Variants in MAP3K8 observed in about 807,000 individuals in gnomAD.
MAP3K8 encodes the protein mitogen-activated protein kinase kinase kinase 8, also known as Ewing sarcoma transformant.
MAP3K8 carries 22 observed loss-of-function variants against 45.8 expected under a neutral mutation model. That is an observed-to-expected ratio of 0.48 (90% CI 0.34 to 0.69). The LOEUF (loss-of-function observed/expected upper bound fraction) is 0.69. Ranked by LOEUF, MAP3K8 falls within the 30% of genes least tolerant of loss-of-function variation. The pLI is 0.01. For synonymous variants in MAP3K8, 223 were observed against 214.3 expected (o/e 1.04, Z -0.36); for missense variants, 419 against 585.0 (o/e 0.72, Z 2.93).
At chr10:30,457,965 A>T (rs1369218154) in intron 6 of MAP3K8, 119 bp from the exon 7 acceptor site, 1 of 788,142 alleles carries the variant, frequency 1.3e-6, no homozygotes, top group Non-Finnish European at 1.9e-6. Context: ...TTCCTGGGGA[A>T]TGCCTGCATT....
rs1396509308 is a variant in MAP3K8 at position 30,450,387 on chromosome 10, G to A, written c.634G>A (p.Gly212Arg). Residue 212 changes from glycine to arginine, a missense_variant, in exon 5 of 9, where the codon GGA (glycine) becomes AGA (arginine). Around this residue, in one of 3 missense-constraint regions of MAP3K8, gnomAD observed 209 missense variants for 367.3 expected, o/e 0.57. Coordinates refer to ENST00000263056, the MANE Select transcript of MAP3K8 (RefSeq NM_005204.4). ...CCATCTCTTTATGGAAGCAGGCGAGGGAGGGTCTGTTCTGGAGAAACTGGA... is the reference window on the plus strand; with the variant it reads ...CCATCTCTTTATGGAAGCAGGCGAGAGAGGGTCTGTTCTGGAGAAACTGGA... Reference protein sequence around the residue: ...TVHLFMEAGEGGSVLEKLESC... With the variant: ...TVHLFMEAGERGSVLEKLESC... 2 of 1,614,024 alleles carry A rather than the reference G, an allele frequency of 1.2e-6. No homozygotes were observed. The highest frequency in any genetic ancestry group is 1.3e-5 in the African/African-American group (1 of 74,912).
At chr10:30,436,436 CA>C (rs774459115) in intron 1 of MAP3K8, among the ~76,000 whole-genome samples, 28 of 152,236 alleles carry the variant, frequency 1.8e-4, no homozygotes, top group Non-Finnish European at 3.8e-4. Flanking sequence ...GTCTCAGCGT[CA>C]GACACTCCTC....
intron 3 of MAP3K8, 45 bp from the exon 4 acceptor site, chr10:30,447,737 G>T: frequency 6.4e-7 from 1 of 1,551,670 alleles, no homozygotes; most frequent in Non-Finnish European, 8.9e-7. Context: ...GAAAAAGCCA[G>T]CTTGACTGAA....
chr10:30,441,633 T>C (rs997636710), intron 3 of MAP3K8, among the ~76,000 whole-genome samples: 9 of 152,180 alleles, frequency 5.9e-5, no homozygotes, highest in Admixed American at 3.9e-4. Flanking sequence ...ATGGCCTCGC[T>C]AGGCAAATCG....
chr10:30,452,856 T>C (rs1031709086), intron 6 of MAP3K8, among the ~76,000 whole-genome samples: 12 of 141,746 alleles, frequency 8.5e-5, no homozygotes, highest in Non-Finnish European at 1.6e-4. Flanking sequence ...TTTTTTTTTT[T>C]CAGTAGAGAT....
At position 30,444,402 on chromosome 10, in the gene MAP3K8, G is replaced by T. The variant is rs147491561; in HGVS notation, c.337-3380G>T. Among the ~76,000 whole-genome samples, 73 of 152,160 alleles carry T rather than the reference G, an allele frequency of 4.8e-4. 5 individuals are homozygous for T. The East Asian group carries it at 0.014, about 29-fold the overall frequency. On this transcript the variant is annotated intron_variant, in intron 3 of 8. Coordinates refer to ENST00000263056, the MANE Select transcript of MAP3K8 (RefSeq NM_005204.4). Reference sequence around the variant, plus strand: ...CGCTTGAACTCAGGAGGCAGAGGTTGCGATGAGCTGAGATCGCCCCATTGC... The same window carrying T: ...CGCTTGAACTCAGGAGGCAGAGGTTTCGATGAGCTGAGATCGCCCCATTGC...
chr10:30,440,224 G>A (rs569131332), intron 3 of MAP3K8, among the ~76,000 whole-genome samples: 1 of 152,328 alleles, frequency 6.6e-6, no homozygotes, highest in African/African-American at 2.4e-5. Context: ...GGTGAACGTA[G>A]GTGCTGGCTA....
At chr10:30,448,943 A>G (rs1378724310) in intron 4 of MAP3K8, among the ~76,000 whole-genome samples, 2 of 152,258 alleles carry the variant, frequency 1.3e-5, no homozygotes, top group Non-Finnish European at 2.9e-5. Flanking sequence ...GTCCCAAACT[A>G]GAAACTTCCA....
At chr10:30,449,564 T>C (rs774826885) in intron 4 of MAP3K8, among the ~76,000 whole-genome samples, 12 of 152,220 alleles carry the variant, frequency 7.9e-5, no homozygotes, top group Non-Finnish European at 1.8e-4. Context: ...TACACTCACT[T>C]TTGATTTAAC....
At chr10:30,459,152 T>C in intron 7 of MAP3K8, 103 bp from the exon 8 acceptor site, 1 of 1,243,222 alleles carries the variant, frequency 8.0e-7, no homozygotes, top group South Asian at 1.3e-5. Flanking sequence ...GCAGGGCATG[T>C]GGTGGAAAAC....
At chr10:30,435,871 C>G (rs1046638473) in intron 1 of MAP3K8, among the ~76,000 whole-genome samples, 1 of 152,214 alleles carries the variant, frequency 6.6e-6, no homozygotes, top group African/African-American at 2.4e-5. Context: ...TGAGAAATAA[C>G]ACAAGTAATA....
intron 1 of MAP3K8, among the ~76,000 whole-genome samples, chr10:30,436,771 T>C (rs1180165587): frequency 1.3e-5 from 2 of 151,330 alleles, no homozygotes; most frequent in African/African-American, 4.9e-5. Context: ...TGGACTTTTT[T>C]CCTCTTTCTT....
At chr10:30,454,367 C>A (rs1299468356) in intron 6 of MAP3K8, among the ~76,000 whole-genome samples, 1 of 147,320 alleles carries the variant, frequency 6.8e-6, no homozygotes, top group East Asian at 2.0e-4. Flanking sequence ...CATAGTGAGA[C>A]CCCATCGCTA....
intron 1 of MAP3K8, chr10:30,434,805 T>C (rs1835861381): frequency 2.0e-6 from 2 of 981,782 alleles, no homozygotes; most frequent in East Asian, 1.1e-4. Context: ...GGTGCTTTGA[T>C]AATTTATAAG....
At chr10:30,454,490 C>T (rs1836668670) in intron 6 of MAP3K8, among the ~76,000 whole-genome samples, 1 of 151,684 alleles carries the variant, frequency 6.6e-6, no homozygotes, top group African/African-American at 2.4e-5. Context: ...ATTGCTTGAG[C>T]CCAGGATGAG....
chr10:30,448,792 A>T lies in MAP3K8; in HGVS notation c.504+843A>T, dbSNP rs149588741. On this transcript the variant is annotated intron_variant, in intron 4 of 8. Transcript: ENST00000263056. ...GCCACTACTTTGGAAAACTGTATCTACATAAGGTGAGCATTCACACCCCCT... is the reference window on the plus strand; with the variant it reads ...GCCACTACTTTGGAAAACTGTATCTTCATAAGGTGAGCATTCACACCCCCT... 4.3e-3 allele frequency among the ~76,000 whole-genome samples: 650 copies of T among 152,226 alleles called. 4 individuals are homozygous for T. Among genetic ancestry groups the T allele is most frequent in the African/African-American group, 0.014 (597 of 41,540 alleles).
intron 3 of MAP3K8, among the ~76,000 whole-genome samples, chr10:30,442,488 C>T (rs565646138): frequency 6.6e-6 from 1 of 152,250 alleles, no homozygotes; most frequent in East Asian, 1.9e-4. Flanking sequence ...GGGTAGAGAA[C>T]CAGGAATTAC....
chr10:30,448,794 A>T (rs554082444), intron 4 of MAP3K8, among the ~76,000 whole-genome samples: 5 of 152,268 alleles, frequency 3.3e-5, no homozygotes, highest in Non-Finnish European at 7.4e-5. Context: ...CTGTATCTAC[A>T]TAAGGTGAGC....
At chr10:30,445,145 C>T (rs1836272378) in intron 3 of MAP3K8, among the ~76,000 whole-genome samples, 1 of 152,192 alleles carries the variant, frequency 6.6e-6, no homozygotes, top group South Asian at 2.1e-4. Flanking sequence ...ACCTGTAATC[C>T]CAGCATTTTG....
Sources: allele counts gnomAD v4.1 joint callset (sites outside exome capture counted in the v4.1 genomes callset), GRCh38; gene constraint gnomAD v4.1.1; regional missense constraint gnomAD v4.1.1; transcripts MANE v1.5; gene names NCBI Gene and HGNC (gene_info 2026-07-23, HGNC 2026-07-21).